SERINC5: variants seen among roughly 807,000 people sequenced by gnomAD.
The protein encoded by SERINC5 is serine incorporator 5.
Under a neutral mutation model 63.1 loss-of-function variants are expected in SERINC5, and 41 were observed. That is an observed-to-expected ratio of 0.65 (90% CI 0.51 to 0.84). The LOEUF (loss-of-function observed/expected upper bound fraction) is 0.84, where lower values mean the gene tolerates loss of function less well. Ranked by LOEUF, SERINC5 falls within the 40% of genes least tolerant of loss-of-function variation. The pLI is 0.00. For synonymous variants in SERINC5, 222 were observed against 215.2 expected (o/e 1.03, Z -0.28); for missense variants, 523 against 573.0 (o/e 0.91, Z 0.89).
intron 1 of SERINC5, among the ~76,000 whole-genome samples, chr5:80,229,220 C>T (rs1351695907): frequency 6.6e-6 from 1 of 151,760 alleles, no homozygotes; most frequent in Non-Finnish European, 1.5e-5. Context: ...GATGGGGTTT[C>T]ACCATGTTGG....
intron 9 of SERINC5, among the ~76,000 whole-genome samples, chr5:80,149,828 C>A (rs552325923): frequency 1.3e-5 from 2 of 152,152 alleles, no homozygotes; most frequent in Non-Finnish European, 2.9e-5. Context: ...TCTTTGGAAC[C>A]CCTGGTTCTT....
intron 1 of SERINC5, among the ~76,000 whole-genome samples, chr5:80,239,213 G>A (rs111373689): frequency 0.019 from 2,896 of 152,324 alleles, 51 homozygotes; most frequent in African/African-American, 0.043. Flanking sequence ...CGCAGGACCC[G>A]GAGCAACGGG....
At chr5:80,211,792 A>T (rs1750444050) in intron 1 of SERINC5, among the ~76,000 whole-genome samples, 1 of 152,210 alleles carries the variant, frequency 6.6e-6, no homozygotes, top group African/African-American at 2.4e-5. Flanking sequence ...CGGCAGTGTG[A>T]TCACTCATAT....
intron 8 of SERINC5, among the ~76,000 whole-genome samples, chr5:80,152,996 T>C (rs936935855): frequency 2.0e-5 from 3 of 152,210 alleles, no homozygotes; most frequent in Non-Finnish European, 4.4e-5. Flanking sequence ...TTCTTTGGGT[T>C]AACGTAATTT....
At chr5:80,122,636 A>G (rs887534710) in intron 11 of SERINC5, among the ~76,000 whole-genome samples, 10 of 152,346 alleles carry the variant, frequency 6.6e-5, no homozygotes, top group Admixed American at 5.9e-4. Flanking sequence ...AGTCAACCTT[A>G]AAATACAGAG....
intron 1 of SERINC5, among the ~76,000 whole-genome samples, chr5:80,229,030 T>TGGGGGGGGGGGGGGGTGGGG (rs1300617664): frequency 2.4e-5 from 1 of 41,792 alleles, no homozygotes. Context: ...CCTTTTTTTT[T>TGGGGGGGGGGGGGGGTGGGG]TTTTTTTTTT....
chr5:80,223,509 T>A (rs1284806946), intron 1 of SERINC5, among the ~76,000 whole-genome samples: 1 of 152,206 alleles, frequency 6.6e-6, no homozygotes, highest in Non-Finnish European at 1.5e-5. Context: ...GAGGGCTGAC[T>A]ATATATATCA....
At chr5:80,154,709 A>T (rs540056349) in intron 8 of SERINC5, among the ~76,000 whole-genome samples, 1 of 152,106 alleles carries the variant, frequency 6.6e-6, no homozygotes, top group South Asian at 2.1e-4. Flanking sequence ...CAACCTGCGA[A>T]CCTCCCCACT....
At chr5:80,161,277 T>C (rs954921501) in intron 7 of SERINC5, among the ~76,000 whole-genome samples, 1 of 152,156 alleles carries the variant, frequency 6.6e-6, no homozygotes, top group African/African-American at 2.4e-5. Context: ...AATCTCCCAC[T>C]GTTTCCCATA....
chr5:80,201,104 C>A (rs1749810953), intron 2 of SERINC5, among the ~76,000 whole-genome samples: 1 of 151,766 alleles, frequency 6.6e-6, no homozygotes, highest in Non-Finnish European at 1.5e-5. Context: ...ATCCACCACC[C>A]CCCCACAAAA....
intron 1 of SERINC5, 30 bp from the exon 2 acceptor site, chr5:80,203,083 GAGC>G (rs749183540): frequency 5.0e-5 from 78 of 1,565,562 alleles, no homozygotes; most frequent in Non-Finnish European, 6.7e-5. Context: ...CATCTGCTTA[GAGC>G]ATGATACTGT....
intron 1 of SERINC5, among the ~76,000 whole-genome samples, chr5:80,254,175 C>A (rs969942370): frequency 3.3e-5 from 5 of 152,212 alleles, no homozygotes; most frequent in African/African-American, 1.2e-4. Context: ...CCGCCCGCCT[C>A]TGCCTCCCAA....
chr5:80,182,459 T>C (rs893975789), intron 2 of SERINC5, among the ~76,000 whole-genome samples: 1 of 151,392 alleles, frequency 6.6e-6, no homozygotes, highest in Non-Finnish European at 1.5e-5. Context: ...CACTCTCCCA[T>C]TACGTGTTGC....
At chr5:80,175,488 G>A (rs971804604) in intron 4 of SERINC5, among the ~76,000 whole-genome samples, 2 of 152,186 alleles carry the variant, frequency 1.3e-5, no homozygotes, top group Non-Finnish European at 2.9e-5. Flanking sequence ...CAGGGGACAA[G>A]GACTCGGTTC....
rs148359996 is a variant in SERINC5 at position 80,166,293 on chromosome 5, A to G, written c.859+90T>C. The G allele has an allele frequency of 2.1e-4, 192 of 917,648 alleles. No homozygotes were observed. In the African/African-American group the frequency reaches 2.9e-3, roughly 14 times the overall value. The allele number at this position is 917,648 out of a possible 1,614,324, so 56.8% of individuals were successfully genotyped here. A position where few individuals can be genotyped will look rare whatever the true frequency, so the allele number is the denominator to read the frequency against. On this transcript the variant is annotated intron_variant, in intron 7 of 11. Coordinates refer to ENST00000507668, the MANE Select transcript of SERINC5 (RefSeq NM_001174072.3). The stretch of plus-strand genomic sequence containing the variant: ...ACCATCTTTCTGCTCTCTATCTCCA[A>G]GGCCTCTCCAATATTTAAACAATAG...
chr5:80,172,393 G>C (rs1457441958), intron 5 of SERINC5, among the ~76,000 whole-genome samples: 1 of 152,168 alleles, frequency 6.6e-6, no homozygotes, highest in Non-Finnish European at 1.5e-5. Context: ...AGAACAGGGA[G>C]AATGAATTGA....
chr5:80,177,356 G>A lies in SERINC5; in HGVS notation c.416C>T (p.Ser139Leu). The A allele has an allele frequency of 6.2e-7, 1 of 1,613,690 alleles. No homozygotes were observed. Among genetic ancestry groups the A allele is most frequent in the South Asian group, 1.1e-5 (1 of 91,078 alleles). ...CTGATCTGGAATGAAGAAAGCTCCT[G>A]AGCACATGGCCCCCAACAGCAGAAG... The part of the protein sequence containing the change: ...FKLLLLGAMC[S>L]GAFFIPDQDT... The change falls in exon 4 of 12, where the codon TCA becomes TTA. Residue 139 changes from serine (S) to leucine (L), a missense_variant. Physicochemically the swap from Ser to Leu is moderately radical, Grantham distance 145 (BLOSUM62 -2). Coordinates refer to ENST00000507668, the MANE Select transcript of SERINC5 (RefSeq NM_001174072.3).
At chr5:80,224,934 T>TTGG (rs1242238946) in intron 1 of SERINC5, among the ~76,000 whole-genome samples, 1 of 73,884 alleles carries the variant, frequency 1.4e-5, no homozygotes, top group African/African-American at 5.6e-5. Context: ...TTTTTTTTTT[T>TTGG]GTTTTTTTTT....
chr5:80,216,964 T>C (rs762717405), intron 1 of SERINC5, among the ~76,000 whole-genome samples: 5 of 152,040 alleles, frequency 3.3e-5, no homozygotes, highest in East Asian at 3.9e-4. Context: ...TGAGCTGAGA[T>C]TGCATCACTG....
Sources: allele counts gnomAD v4.1 joint callset (sites outside exome capture counted in the v4.1 genomes callset), GRCh38; gene constraint gnomAD v4.1.1; transcripts MANE v1.5; gene names NCBI Gene and HGNC (gene_info 2026-07-23, HGNC 2026-07-21).